Variants in FBXL17 observed in about 807,000 individuals in gnomAD.
The protein encoded by FBXL17 is F-box and leucine rich repeat protein 17, also known as F-box/LRR-repeat protein 17.
FBXL17 carries 22 observed loss-of-function variants against 66.2 expected under a neutral mutation model. The ratio of observed to expected loss-of-function variants is 0.33; its 90% confidence interval spans 0.24 to 0.47. The LOEUF is 0.47. Ranked by LOEUF, FBXL17 falls within the 20% of genes least tolerant of loss-of-function variation. FBXL17 has a pLI of 1.00. For missense variants in FBXL17, 878 were observed against 948.2 expected (o/e 0.93, Z 0.97); for synonymous variants, 474 against 400.5 (o/e 1.18, Z -2.19).
chr5:108,028,203 T>G (rs1447074966), intron 6 of FBXL17, among the ~76,000 whole-genome samples: 2 of 152,076 alleles, frequency 1.3e-5, no homozygotes, highest in East Asian at 3.9e-4. Flanking sequence ...TCAGGCAAAA[T>G]TCTGCAACTC....
chr5:107,933,176 A>G (rs957142659), intron 7 of FBXL17, among the ~76,000 whole-genome samples: 2 of 152,170 alleles, frequency 1.3e-5, no homozygotes, highest in Non-Finnish European at 2.9e-5. Flanking sequence ...TGCCTTGTAA[A>G]TGGTTGATTG....
chr5:107,967,792 TA>T (rs887112738), intron 7 of FBXL17, among the ~76,000 whole-genome samples: 2 of 152,024 alleles, frequency 1.3e-5, no homozygotes, highest in East Asian at 1.9e-4. Flanking sequence ...GCAAAAAGGG[TA>T]AAAAAAATTT....
At chr5:108,293,984 T>A (rs776279325) in intron 4 of FBXL17, among the ~76,000 whole-genome samples, 4 of 131,178 alleles carry the variant, frequency 3.0e-5, no homozygotes, top group African/African-American at 6.0e-5. Flanking sequence ...GAGGCTGCAG[T>A]GAGGCGAGAT....
At chr5:108,073,039 T>C (rs1009502699) in intron 6 of FBXL17, among the ~76,000 whole-genome samples, 1 of 152,196 alleles carries the variant, frequency 6.6e-6, no homozygotes, top group African/African-American at 2.4e-5. Context: ...GAAAACTCTT[T>C]AGTCCTATGT....
chr5:108,304,300 G>A (rs1008715947), intron 4 of FBXL17, among the ~76,000 whole-genome samples: 1 of 151,870 alleles, frequency 6.6e-6, no homozygotes, highest in African/African-American at 2.4e-5. Flanking sequence ...TCACTGGTAT[G>A]CTTCAGAAAT....
At chr5:108,140,315 G>A (rs1323675098) in intron 6 of FBXL17, among the ~76,000 whole-genome samples, 3 of 152,138 alleles carry the variant, frequency 2.0e-5, no homozygotes, top group Non-Finnish European at 4.4e-5. Context: ...CAAAATGTGG[G>A]ATTACAGGTG....
At chr5:108,132,543 T>C (rs530035696) in intron 6 of FBXL17, among the ~76,000 whole-genome samples, 1 of 152,372 alleles carries the variant, frequency 6.6e-6, no homozygotes, top group African/African-American at 2.4e-5. Context: ...ATGTTGTATG[T>C]ATAACAAACA....
In FBXL17 at chr5:108,380,932, G is replaced by A; in HGVS notation, c.760C>T (p.Pro254Ser). The change falls in exon 1 of 9, where the codon CCC becomes TCC. Residue 254 changes from proline to serine, a missense_variant. By Grantham distance (74) the Pro-to-Ser change is moderately conservative. Coordinates refer to ENST00000542267, the MANE Select transcript of FBXL17 (RefSeq NM_001163315.3). ...DAGCCQAPEQ[P>S]PQPLCPPPSS... ...GGCGGAGGGCAGAGCGGCTGCGGGGGCTGCTCCGGGGCCTGGCAGCAGCCG... is the reference window on the plus strand; with the variant it reads ...GGCGGAGGGCAGAGCGGCTGCGGGGACTGCTCCGGGGCCTGGCAGCAGCCG... 2 of 1,221,390 alleles carry A rather than the reference G, an allele frequency of 1.6e-6. No individual in the cohort carries two copies. Among genetic ancestry groups the A allele is most frequent in the Non-Finnish European group, 2.0e-6 (2 of 978,658 alleles). 75.7% of individuals were successfully genotyped at this position (1,221,390 alleles called of 1,614,324 possible).
intron 7 of FBXL17, among the ~76,000 whole-genome samples, chr5:107,898,188 T>C (rs1749445489): frequency 6.6e-6 from 1 of 152,174 alleles, no homozygotes; most frequent in African/African-American, 2.4e-5. Flanking sequence ...TGGACCCTTC[T>C]ATGAAGTGGG....
intron 7 of FBXL17, among the ~76,000 whole-genome samples, chr5:107,987,578 G>A (rs895382593): frequency 6.6e-6 from 1 of 152,028 alleles, no homozygotes; most frequent in African/African-American, 2.4e-5. Context: ...GACAGTTTCA[G>A]TGGCCTGGCA....
intron 4 of FBXL17, among the ~76,000 whole-genome samples, chr5:108,275,683 T>C (rs1173875977): frequency 1.3e-5 from 2 of 152,302 alleles, no homozygotes; most frequent in South Asian, 4.1e-4. Flanking sequence ...ATTCAAATTT[T>C]GCAGATAGGG....
chr5:108,062,240 A>C (rs1270570304), intron 6 of FBXL17, among the ~76,000 whole-genome samples: 1 of 152,112 alleles, frequency 6.6e-6, no homozygotes, highest in East Asian at 1.9e-4. Context: ...ACATGAATAA[A>C]AAATGACCTT....
At chr5:108,098,716 G>T (rs1003255796) in intron 6 of FBXL17, among the ~76,000 whole-genome samples, 2 of 139,140 alleles carry the variant, frequency 1.4e-5, no homozygotes, top group East Asian at 4.3e-4. Context: ...CTGCACTCCA[G>T]CCTGGGCAAC....
At chr5:107,987,965 T>C (rs1415814759) in intron 7 of FBXL17, among the ~76,000 whole-genome samples, 1 of 152,078 alleles carries the variant, frequency 6.6e-6, no homozygotes, top group Non-Finnish European at 1.5e-5. Context: ...TATTACTGTC[T>C]AAATATTGGT....
chr5:108,121,216 T>G (rs1345059711), intron 6 of FBXL17, among the ~76,000 whole-genome samples: 1 of 151,908 alleles, frequency 6.6e-6, no homozygotes, highest in Non-Finnish European at 1.5e-5. Flanking sequence ...TAGTCCCAGC[T>G]ACTCGGGAGG....
chr5:108,073,791 C>G (rs1748436528), intron 6 of FBXL17, among the ~76,000 whole-genome samples: 1 of 152,012 alleles, frequency 6.6e-6, no homozygotes, highest in Non-Finnish European at 1.5e-5. Context: ...TCTCTTGCTC[C>G]CTCTCTCACC....
intron 7 of FBXL17, among the ~76,000 whole-genome samples, chr5:107,902,492 T>C (rs1256587300): frequency 6.6e-6 from 1 of 152,186 alleles, no homozygotes; most frequent in African/African-American, 2.4e-5. Flanking sequence ...CATGTGTTAT[T>C]ATCCTACCAC....
chr5:108,176,324 T>G (rs958702748), intron 6 of FBXL17, among the ~76,000 whole-genome samples: 12 of 152,314 alleles, frequency 7.9e-5, no homozygotes, highest in Non-Finnish European at 1.5e-4. Context: ...TTTACTCATC[T>G]TTTTATGGCC....
Position 108,270,972 on chromosome 5 carries a change from C to T in FBXL17, c.1507-46744G>A, listed in dbSNP as rs150549463. ...TCTCTCCCCCTTTCCCCCTCTCCTT[C>T]TCCACATTCCCTACCTCCCTGTGTA... On this transcript the variant is annotated intron_variant, in intron 4 of 8. Transcript: ENST00000542267. Among the ~76,000 whole-genome samples the T allele has an allele frequency of 2.2e-4, 34 of 152,152 alleles. 1 individual carries two copies. In the Middle Eastern group the frequency reaches 0.01, roughly 46 times the overall value.
Sources: allele counts gnomAD v4.1 joint callset (sites outside exome capture counted in the v4.1 genomes callset), GRCh38; gene constraint gnomAD v4.1.1; transcripts MANE v1.5; gene names NCBI Gene and HGNC (gene_info 2026-07-23, HGNC 2026-07-21).